TFB1M: variants seen among roughly 807,000 people sequenced by gnomAD.
TFB1M encodes transcription factor B1, mitochondrial.
In TFB1M, 27 loss-of-function variants were observed where a neutral mutation model predicts 31.1. That is an observed-to-expected ratio of 0.87 (90% confidence interval 0.64 to 1.20). The LOEUF (loss-of-function observed/expected upper bound fraction) is 1.20, where lower values mean the gene tolerates loss of function less well. Among genes scored for constraint, TFB1M ranks in the 50% most tolerant of loss-of-function variants. The pLI is 0.00. For synonymous variants in TFB1M, 166 were observed against 151.8 expected (o/e 1.09, Z -0.69); for missense variants, 394 against 418.7 (o/e 0.94, Z 0.51).
At chr6:155,287,220 T>C (rs1776698826) in intron 4 of TFB1M, among the ~76,000 whole-genome samples, 1 of 152,174 alleles carries the variant, frequency 6.6e-6, no homozygotes, top group Non-Finnish European at 1.5e-5. Context: ...ATTTGTAGCA[T>C]AATTTGGCAA....
At chr6:155,266,180 C>T (rs1280622076) in intron 5 of TFB1M, among the ~76,000 whole-genome samples, 1 of 152,056 alleles carries the variant, frequency 6.6e-6, no homozygotes, top group Non-Finnish European at 1.5e-5. Flanking sequence ...TCAGTGTTAA[C>T]CATCACAACA....
chr6:155,244,088 A>C, the TFB1M span: 1 of 1,613,126 alleles, frequency 6.2e-7, no homozygotes, highest in Non-Finnish European at 8.5e-7. Flanking sequence ...AGGTAAATAA[A>C]ATCACCTTCC....
At chr6:155,252,392 C>T (rs1032966571), downstream of TFB1M, among the ~76,000 whole-genome samples, 1 of 152,108 alleles carries the variant, frequency 6.6e-6, no homozygotes, top group Admixed American at 6.5e-5. Flanking sequence ...TCAATTGAGC[C>T]CAGGAGGTGG....
At chr6:155,244,267 G>A in the TFB1M span, among the ~76,000 whole-genome samples, 1 of 152,346 alleles carries the variant, frequency 6.6e-6, no homozygotes, top group African/African-American at 2.4e-5. Flanking sequence ...ATGACCCAGT[G>A]GCAGAGTGTT....
At chr6:155,273,760 G>A (rs1785047252) in intron 5 of TFB1M, among the ~76,000 whole-genome samples, 1 of 152,152 alleles carries the variant, frequency 6.6e-6, no homozygotes, top group African/African-American at 2.4e-5. Flanking sequence ...CTGCAGGTTG[G>A]CTGCTGAAGA....
intron 5 of TFB1M, among the ~76,000 whole-genome samples, chr6:155,282,793 T>A (rs1776432094): frequency 6.6e-6 from 1 of 151,962 alleles, no homozygotes; most frequent in Non-Finnish European, 1.5e-5. Flanking sequence ...AGTGGTGCCA[T>A]CTCGCCTCGC....
chr6:155,234,694 T>C, the TFB1M span, among the ~76,000 whole-genome samples: 1 of 152,210 alleles, frequency 6.6e-6, no homozygotes, highest in Admixed American at 6.5e-5. Context: ...CATGAGCCAC[T>C]GTGCCAGACC....
chr6:155,251,070 C>T, the TFB1M span: 205 of 1,534,404 alleles, frequency 1.3e-4, no homozygotes, highest in Non-Finnish European at 1.7e-4. Context: ...GCTGGGATTA[C>T]GGAAGAACTT....
chr6:155,303,069 T>C (rs569223825), intron 2 of TFB1M: 1 of 152,354 alleles, frequency 6.6e-6, no homozygotes, highest in South Asian at 2.1e-4. Flanking sequence ...TTATTTTTAA[T>C]TGACACATAA....
the TFB1M span, chr6:155,250,764 C>A: frequency 9.1e-7 from 1 of 1,100,654 alleles, no homozygotes; most frequent in Non-Finnish European, 1.3e-6. Flanking sequence ...AAAGCTCCAC[C>A]GTTTAAGGCC....
At chr6:155,233,779 T>G in the TFB1M span, among the ~76,000 whole-genome samples, 1 of 152,124 alleles carries the variant, frequency 6.6e-6, no homozygotes, top group South Asian at 2.1e-4. Flanking sequence ...GGCAACATAG[T>G]GAGACCCTCC....
intron 5 of TFB1M, among the ~76,000 whole-genome samples, chr6:155,263,765 G>A (rs1784496060): frequency 6.6e-6 from 1 of 152,044 alleles, no homozygotes; most frequent in Admixed American, 6.5e-5. Context: ...GCTAAGTCAC[G>A]ACCACATGCA....
chr6:155,240,440 CA>C, the TFB1M span: 7 of 1,395,024 alleles, frequency 5.0e-6, no homozygotes, highest in Non-Finnish European at 6.8e-6. Context: ...CCCTGCTGAG[CA>C]CAGACGGAGA....
At chr6:155,288,691 T>C (rs1776772845) in intron 4 of TFB1M, among the ~76,000 whole-genome samples, 1 of 152,180 alleles carries the variant, frequency 6.6e-6, no homozygotes. Context: ...CCCCAGGCTG[T>C]AGAGATGAAA....
At chr6:155,275,478 C>T (rs896514420) in intron 5 of TFB1M, 3 of 461,316 alleles carry the variant, frequency 6.5e-6, no homozygotes, top group Non-Finnish European at 1.2e-5. Flanking sequence ...CTTTTCTCCT[C>T]CAGCCTACAG....
At chr6:155,291,779 C>T (rs1222298914) in intron 4 of TFB1M, among the ~76,000 whole-genome samples, 1 of 152,096 alleles carries the variant, frequency 6.6e-6, no homozygotes, top group Non-Finnish European at 1.5e-5. Flanking sequence ...CCCTGAGGAG[C>T]AGATAAGGCA....
chr6:155,292,081 C>T (rs1363274613), intron 4 of TFB1M, among the ~76,000 whole-genome samples: 3 of 152,268 alleles, frequency 2.0e-5, no homozygotes, highest in Non-Finnish European at 2.9e-5. Context: ...GGAGATGAGC[C>T]TTAGATGCCC....
chr6:155,275,760 C>A, intron 5 of TFB1M: 4 of 1,614,082 alleles, frequency 2.5e-6, no homozygotes, highest in Non-Finnish European at 3.4e-6. Context: ...TTCATCCTGG[C>A]CTTATCTGGG....
intron 5 of TFB1M, among the ~76,000 whole-genome samples, chr6:155,282,437 T>C (rs968540203): frequency 2.6e-5 from 4 of 152,202 alleles, no homozygotes; most frequent in African/African-American, 9.6e-5. Context: ...TGGTTGTAAG[T>C]AAGCCCCTCA....
Sources: allele counts gnomAD v4.1 joint callset (sites outside exome capture counted in the v4.1 genomes callset), GRCh38; gene constraint gnomAD v4.1.1; transcripts MANE v1.5; gene names NCBI Gene and HGNC (gene_info 2026-07-23, HGNC 2026-07-21).